The following DRAXIN variants were observed in gnomAD, a reference collection of about 807,000 sequenced individuals.
DRAXIN encodes the protein dorsal inhibitory axon guidance protein.
In DRAXIN, 27 loss-of-function variants were observed where a neutral mutation model predicts 33.9. The ratio of observed to expected loss-of-function variants is 0.80; its 90% CI spans 0.59 to 1.10. DRAXIN has a LOEUF of 1.10. Ranked by LOEUF, DRAXIN falls within the 50% of genes least tolerant of loss-of-function variation. The pLI, the probability that DRAXIN is intolerant of heterozygous loss-of-function variation, is 0.00. For missense variants in DRAXIN, 371 were observed against 460.8 expected, an observed-to-expected ratio of 0.81 and a Z score of 1.78; for synonymous variants, 178 against 194.0, an observed-to-expected ratio of 0.92 and a Z score of 0.69.
chr1:11,706,635 C>T lies in DRAXIN; in HGVS notation c.377C>T (p.Pro126Leu), dbSNP rs1453117313. 1 of 1,600,134 alleles carries T rather than the reference C, an allele frequency of 6.2e-7. No homozygotes were observed. Among genetic ancestry groups the T allele is most frequent in the South Asian group, 1.1e-5 (1 of 90,870 alleles). Residue 126 changes from proline (P) to leucine (L), a missense_variant, in exon 2 of 7, where the codon CCT becomes CTT. Coordinates refer to ENST00000294485, the MANE Select transcript of DRAXIN (RefSeq NM_198545.4). The surrounding 1 kb of genome is among the most constrained non-coding windows in gnomAD (Gnocchi z 5.5). ...CCCTACCCCGAGAAGGAGAACCGAC[C>T]TCCAGGTTGGGAGAGGACCAGGAAA... ...ALPYPEKENR[P>L]PGWERTRKRS...
rs540054837 is a variant in DRAXIN, at chr1:11,692,725, C to T, written c.-11+872C>T. Among the ~76,000 whole-genome samples, 6 of 152,308 alleles carry T rather than the reference C, an allele frequency of 3.9e-5. No individual in the cohort carries two copies. Among genetic ancestry groups the T allele is most frequent in the Non-Finnish European group, 5.9e-5 (4 of 68,020 alleles). On this transcript the variant is annotated intron_variant, in intron 1 of 6. Transcript: ENST00000294485. This position sits in a 1 kb window ranked among gnomAD's most constrained non-coding sequence, Gnocchi z 5.8. ...TATATGCTCCCTCCACGCTGCCCAC[C>T]TCCCAGCCCAGTGACACACTGGTGT... is the stretch of plus-strand genomic sequence containing the variant.
At position 11,705,033 on chromosome 1, in the gene DRAXIN, G is replaced by T. The variant is rs1411829937; in HGVS notation, c.-10-1216G>T. Reference sequence around the variant, plus strand: ...GTCGGGGCTAAGGTGACACTGGGGTGGGCCAGCCAGCATGGGGGCCGCAGG... The same window carrying T: ...GTCGGGGCTAAGGTGACACTGGGGTTGGCCAGCCAGCATGGGGGCCGCAGG... On this transcript the variant is annotated intron_variant, in intron 1 of 6. Transcript: ENST00000294485. This position sits in a 1 kb window ranked among gnomAD's most constrained non-coding sequence, Gnocchi z 4.8. 6.6e-6 allele frequency among the ~76,000 whole-genome samples: 1 copy of T among 152,202 alleles called. No homozygotes were observed. The highest frequency in any genetic ancestry group is 1.5e-5 in the Non-Finnish European group (1 of 68,038).
chr1:11,704,304 G>C lies in DRAXIN; in HGVS notation c.-10-1945G>C, dbSNP rs571090120. ...CGGACATGGACGGGATCCCATATGC[G>C]CTTGGCCTTTCCAGTCACAAGGAGA... On this transcript the variant is annotated intron_variant, in intron 1 of 6. Coordinates refer to ENST00000294485, the MANE Select transcript of DRAXIN (RefSeq NM_198545.4). The surrounding 1 kb of genome is among the most constrained non-coding windows in gnomAD (Gnocchi z 4.6). Among the ~76,000 whole-genome samples the C allele has an allele frequency of 7.9e-4, 120 of 152,346 alleles. 1 individual carries two copies. Among genetic ancestry groups the C allele is most frequent in the African/African-American group, 2.5e-3 (102 of 41,570 alleles).
intron 2 of DRAXIN, among the ~76,000 whole-genome samples, chr1:11,707,722 C>T (rs1477959042): frequency 6.6e-6 from 1 of 152,196 alleles, no homozygotes; most frequent in Non-Finnish European, 1.5e-5. Context: ...GCCCTTCCCA[C>T]CTTCCTTAAC....
rs965645724 is a variant in DRAXIN at position 11,721,320 on chromosome 1, A to G, written c.*1624A>G. 6.6e-6 allele frequency: 1 copy of G among 152,184 alleles called. No homozygotes were observed. Among genetic ancestry groups the G allele is most frequent in the African/African-American group, 2.4e-5 (1 of 41,430 alleles). 9.4% of individuals were successfully genotyped at this position (152,184 alleles called of 1,614,324 possible). A position where few individuals can be genotyped will look rare whatever the true frequency, so the allele number is the denominator to read the frequency against. ...CTGCCCCTAACAGGCCAGACTCACA[A>G]TGCCCACCCAGGACATCTGTCCCAG... On this transcript the variant is annotated 3_prime_UTR_variant, in exon 7 of 7. Transcript: ENST00000294485.
At position 11,711,862 on chromosome 1, in the gene DRAXIN, C is replaced by G. The variant is rs1488902982; in HGVS notation, c.654C>G (p.Pro218=). 6.2e-7 allele frequency: 1 copy of G among 1,613,070 alleles called. No homozygotes were observed. The highest frequency in any genetic ancestry group is 2.2e-5 in the East Asian group (1 of 44,880). ...TCCACGGTCTCCAGCAGGCACAGCC[C>G]AGGTCTGACGGGGAGGTGATGCCCA... ...VTSLRPQQAQ[P]RSDGEVMPTL... is the part of the protein sequence containing the mutation. The change falls in exon 4 of 7, where the codon CCC becomes CCG. Residue 218 remains proline, a synonymous_variant. Coordinates refer to ENST00000294485, the MANE Select transcript of DRAXIN (RefSeq NM_198545.4).
chr1:11,701,466 A>G (rs1330833625), intron 1 of DRAXIN, among the ~76,000 whole-genome samples: 1 of 152,224 alleles, frequency 6.6e-6, no homozygotes, highest in African/African-American at 2.4e-5. Context: ...AGAAACGCGG[A>G]AAGGCCTGGG....
chr1:11,701,750 G>T (rs779100881), intron 1 of DRAXIN, among the ~76,000 whole-genome samples: 21 of 152,250 alleles, frequency 1.4e-4, no homozygotes, highest in Non-Finnish European at 2.5e-4. Flanking sequence ...GAGGCGGAGG[G>T]GGCTGCCTCC....
At chr1:11,689,768 A>C (rs530915857), upstream of DRAXIN, among the ~76,000 whole-genome samples, 1 of 152,210 alleles carries the variant, frequency 6.6e-6, no homozygotes, top group South Asian at 2.1e-4. Flanking sequence ...TTTTTACTCT[A>C]TGGACTCGCC....
Position 11,692,274 on chromosome 1 carries a change from G to A in DRAXIN, c.-11+421G>A, listed in dbSNP as rs891803761. Among the ~76,000 whole-genome samples the A allele has an allele frequency of 1.3e-5, 2 of 152,292 alleles. No individual in the cohort carries two copies. The highest frequency in any genetic ancestry group is 3.4e-3 in the Middle Eastern group (1 of 294). ...GTCTCCGGGTGGTCTCTCAGGCAGGGGGCCCCAGTCCGCCACCGTTGGAAG... is the reference window on the plus strand; with the variant it reads ...GTCTCCGGGTGGTCTCTCAGGCAGGAGGCCCCAGTCCGCCACCGTTGGAAG... On this transcript the variant is annotated intron_variant, in intron 1 of 6. Transcript: ENST00000294485. The surrounding 1 kb of genome is among the most constrained non-coding windows in gnomAD (Gnocchi z 5.8).
chr1:11,691,897 C>A (rs1641076454), intron 1 of DRAXIN, 44 bp downstream of exon 1: 1 of 151,988 alleles, frequency 6.6e-6, no homozygotes, highest in South Asian at 2.1e-4. Flanking sequence ...CCCCTCCCGC[C>A]CCACCTGGCT....
Position 11,722,706 on chromosome 1 carries a change from G to A in DRAXIN, c.*3010G>A, listed in dbSNP as rs954878149. 1 of 154,240 alleles carries A rather than the reference G, an allele frequency of 6.5e-6. No individual in the cohort carries two copies. The highest frequency in any genetic ancestry group is 2.4e-5 in the African/African-American group (1 of 41,502). 9.6% of individuals were successfully genotyped at this position (154,240 alleles called of 1,614,324 possible). ...CCACCAGCTACTCAGCTCTGCCGTA[G>A]CTCGAAGCAGCCACAGAGAGTGTGT... On this transcript the variant is annotated 3_prime_UTR_variant, in exon 7 of 7. Transcript: ENST00000294485.
chr1:11,688,823 A>C (rs965387622), upstream of DRAXIN, among the ~76,000 whole-genome samples: 1 of 152,194 alleles, frequency 6.6e-6, no homozygotes, highest in Non-Finnish European at 1.5e-5. This position sits in a 1 kb window ranked among gnomAD's most constrained non-coding sequence, Gnocchi z 4.6. Flanking sequence ...CACAAGATAC[A>C]GGTCATAAAG....
upstream of DRAXIN, among the ~76,000 whole-genome samples, chr1:11,688,896 C>T (rs1437206215): frequency 6.6e-6 from 1 of 152,188 alleles, no homozygotes; most frequent in African/African-American, 2.4e-5. This position sits in a 1 kb window ranked among gnomAD's most constrained non-coding sequence, Gnocchi z 4.6. Flanking sequence ...AGCAAGATGG[C>T]CACGAGACCA....
intron 1 of DRAXIN, among the ~76,000 whole-genome samples, chr1:11,702,685 TCA>T (rs528776351): frequency 7.3e-5 from 11 of 150,782 alleles, no homozygotes; most frequent in African/African-American, 2.2e-4. Context: ...TGCCAGATGC[TCA>T]CACACACACA....
chr1:11,693,090 C>T (rs919127495), intron 1 of DRAXIN, among the ~76,000 whole-genome samples: 2 of 152,090 alleles, frequency 1.3e-5, no homozygotes, highest in Non-Finnish European at 2.9e-5. Flanking sequence ...CACTTCCTGT[C>T]ACCTTCACCT....
rs1480674303 is a variant in DRAXIN, at chr1:11,705,860, G to A, written c.-10-389G>A. On this transcript the variant is annotated intron_variant, in intron 1 of 6. Coordinates refer to ENST00000294485, the MANE Select transcript of DRAXIN (RefSeq NM_198545.4). The surrounding 1 kb of genome is among the most constrained non-coding windows in gnomAD (Gnocchi z 4.8). ...CATATTTCTGAGCTCTGAGGGACTCGGTTCCCTCTAGGGGACTTGGTAAGG... is the reference window on the plus strand; with the variant it reads ...CATATTTCTGAGCTCTGAGGGACTCAGTTCCCTCTAGGGGACTTGGTAAGG... 2.0e-5 allele frequency among the ~76,000 whole-genome samples: 3 copies of A among 152,168 alleles called. No individual in the cohort carries two copies. Among genetic ancestry groups the A allele is most frequent in the Non-Finnish European group, 4.4e-5 (3 of 68,040 alleles).
At chr1:11,686,650 G>A in the DRAXIN span, among the ~76,000 whole-genome samples, 4 of 151,862 alleles carry the variant, frequency 2.6e-5, no homozygotes, top group Admixed American at 6.6e-5. Context: ...TGATGTGCCC[G>A]CCTCCACCTG....
At chr1:11,693,840 C>T (rs1641147831) in intron 1 of DRAXIN, among the ~76,000 whole-genome samples, 1 of 152,188 alleles carries the variant, frequency 6.6e-6, no homozygotes, top group Admixed American at 6.5e-5. Flanking sequence ...GTCCATAGTC[C>T]TCAGTGGCTC....
Sources: gnomAD v4.1 joint callset for allele counts (sites outside exome capture counted in the v4.1 genomes callset) on GRCh38, gnomAD v4.1.1 for gene constraint, Gnocchi (gnomAD v3.1) non-coding constraint, MANE v1.5 for transcripts, NCBI Gene and HGNC (gene_info 2026-07-23, HGNC 2026-07-21) for gene names.